CYP7A1: variants seen among roughly 807,000 people sequenced by gnomAD.
The protein encoded by CYP7A1 is cytochrome P450 7A1.
Under a neutral mutation model 43.8 loss-of-function variants are expected in CYP7A1, and 28 were observed. The ratio of observed to expected loss-of-function variants is 0.64; its 90% CI spans 0.47 to 0.88. The LOEUF (loss-of-function observed/expected upper bound fraction) is 0.88, where lower values mean the gene tolerates loss of function less well. Ranked by LOEUF, CYP7A1 falls within the 40% of genes least tolerant of loss-of-function variation. The pLI is 0.00. For missense variants in CYP7A1, 637 were observed against 611.9 expected (o/e 1.04, Z -0.43); for synonymous variants, 227 against 222.5 (o/e 1.02, Z -0.18).
In CYP7A1 at chr8:58,491,545, G is replaced by C; in HGVS notation, c.1445C>G (p.Ser482Cys). The C allele has an allele frequency of 6.2e-7, 1 of 1,614,094 alleles. No homozygotes were observed. Among genetic ancestry groups the C allele is most frequent in the Non-Finnish European group, 8.5e-7 (1 of 1,180,002 alleles). ...GQAKCPPLDQ[S>C]RAGLGILPPL... ...CGGCAAAATGCCCAAGCCTGCCCGG[G>C]ACTGGTCCAAAGGTGGACATTTAGC... Residue 482 changes from serine to cysteine, a missense_variant, in exon 6 of 6, where the codon TCC (serine) becomes TGC (cysteine). By Grantham distance (112) the Ser-to-Cys change is moderately radical. Transcript: ENST00000301645.
chr8:58,495,940 T>C (rs1394680686), intron 3 of CYP7A1, among the ~76,000 whole-genome samples: 1 of 152,272 alleles, frequency 6.6e-6, no homozygotes, highest in African/African-American at 2.4e-5. Context: ...AATAGACCAT[T>C]CTAATTTCAA....
intron 1 of CYP7A1, 129 bp downstream of exon 1, chr8:58,499,890 C>A (rs1809504413): frequency 1.5e-6 from 1 of 674,776 alleles, no homozygotes; most frequent in Non-Finnish European, 2.6e-6. Context: ...TCAAATTTTT[C>A]ATTTAAAAAA....
At chr8:58,494,900 C>A (rs1036597687) in intron 3 of CYP7A1, among the ~76,000 whole-genome samples, 7 of 152,074 alleles carry the variant, frequency 4.6e-5, no homozygotes, top group African/African-American at 1.7e-4. Flanking sequence ...CTTTGGGAGG[C>A]CGAGGCGGGC....
In CYP7A1 at chr8:58,500,127, G is replaced by A. The variant is rs1004963084; in HGVS notation, c.-29C>T. 1.3e-6 allele frequency: 2 copies of A among 1,567,560 alleles called. No individual in the cohort carries two copies. The highest frequency in any genetic ancestry group is 4.5e-5 in the East Asian group (2 of 44,514). ...GCAAATCTAGGCCAAAATCTCTGAG[G>A]AAGAAAATCTCTGATTAGAAAGGGA... On this transcript the variant is annotated 5_prime_UTR_variant, in exon 1 of 6. Coordinates refer to ENST00000301645, the MANE Select transcript of CYP7A1 (RefSeq NM_000780.4).
Position 58,498,485 on chromosome 8 carries a change from G to T in CYP7A1, c.81-16C>A. 6.2e-7 allele frequency: 1 copy of T among 1,613,766 alleles called. No individual in the cohort carries two copies. Among genetic ancestry groups the T allele is most frequent in the South Asian group, 1.1e-5 (1 of 91,074 alleles). On this transcript the variant is annotated splice_polypyrimidine_tract_variant and intron_variant, in intron 1 of 5. Coordinates refer to ENST00000301645, the MANE Select transcript of CYP7A1 (RefSeq NM_000780.4). ...ACCCGTTTGCCTGTCAGACACAAGT[G>T]TATGATAGACATGGATGATTACAGT...
intron 4 of CYP7A1, 110 bp from the exon 5 acceptor site, chr8:58,492,638 G>T: frequency 1.1e-6 from 1 of 874,336 alleles, no homozygotes; most frequent in Non-Finnish European, 1.8e-6. Context: ...CTGAACTACA[G>T]ACAGCCTGGC....
In CYP7A1 at chr8:58,500,119, T is replaced by C. The variant is rs1809508006; in HGVS notation, c.-21A>G. The C allele has an allele frequency of 6.3e-7, 1 of 1,596,130 alleles. No individual in the cohort carries two copies. Among genetic ancestry groups the C allele is most frequent in the East Asian group, 2.2e-5 (1 of 44,654 alleles). ...ATCATTTTGCAAATCTAGGCCAAAA[T>C]CTCTGAGGAAGAAAATCTCTGATTA... On this transcript the variant is annotated 5_prime_UTR_variant, in exon 1 of 6. Transcript: ENST00000301645.
chr8:58,499,884 AT>A (rs1187891785), intron 1 of CYP7A1, 134 bp downstream of exon 1: 1 of 656,878 alleles, frequency 1.5e-6, no homozygotes, highest in Non-Finnish European at 2.7e-6. Flanking sequence ...TTCAAATCAA[AT>A]TTTTCATTTA....
chr8:58,498,604 G>T, intron 1 of CYP7A1, 135 bp from the exon 2 acceptor site: 1 of 889,550 alleles, frequency 1.1e-6, no homozygotes, highest in Non-Finnish European at 1.8e-6. Context: ...TTGTTGGATG[G>T]GCCCTGCTCT....
At chr8:58,496,553 T>C (rs779616560) in intron 3 of CYP7A1, 51 bp downstream of exon 3, 10 of 1,475,598 alleles carry the variant, frequency 6.8e-6, no homozygotes, top group Non-Finnish European at 9.4e-6. Context: ...AGTGGTTTAA[T>C]TTCTACTTTC....
chr8:58,497,541 G>A (rs1473445769), intron 2 of CYP7A1, among the ~76,000 whole-genome samples: 1 of 151,422 alleles, frequency 6.6e-6, no homozygotes, highest in African/African-American at 2.4e-5. Flanking sequence ...TTTAGAGATG[G>A]GGTCTCACAT....
intron 5 of CYP7A1, 98 bp downstream of exon 5, chr8:58,492,252 GACT>G: frequency 9.3e-7 from 1 of 1,077,752 alleles, no homozygotes; most frequent in African/African-American, 1.6e-5. Flanking sequence ...CAATTCCTGT[GACT>G]ACAATGATAA....
chr8:58,499,008 CAT>C (rs1280319078), intron 1 of CYP7A1, among the ~76,000 whole-genome samples: 4 of 152,148 alleles, frequency 2.6e-5, no homozygotes, highest in Non-Finnish European at 4.4e-5. Flanking sequence ...AGAAGAATCT[CAT>C]GTGAGAAATC....
Position 58,491,790 on chromosome 8 carries a change from A to G in CYP7A1, c.1216-16T>C, listed in dbSNP as rs766785248. 2.5e-6 allele frequency: 4 copies of G among 1,607,268 alleles called. No individual in the cohort carries two copies. The highest frequency in any genetic ancestry group is 1.1e-5 in the South Asian group (1 of 90,682). ...ATTTAAAAGTCTGCAATAAAAATACAAAGAAAACCGCCTTTAAGCTAGTTT... is the reference window on the plus strand; with the variant it reads ...ATTTAAAAGTCTGCAATAAAAATACGAAGAAAACCGCCTTTAAGCTAGTTT... On this transcript the variant is annotated splice_polypyrimidine_tract_variant and intron_variant, in intron 5 of 5. Transcript: ENST00000301645.
chr8:58,492,492 G>A lies in CYP7A1; in HGVS notation c.1076C>T (p.Ala359Val). 6.2e-7 allele frequency: 1 copy of A among 1,613,910 alleles called. No homozygotes were observed. The highest frequency in any genetic ancestry group is 8.5e-7 in the Non-Finnish European group (1 of 1,179,860). Residue 359 changes from alanine to valine, a missense_variant, in exon 5 of 6, where the codon GCC becomes GTC. Physicochemically the swap from Ala to Val is moderately conservative, Grantham distance 64. Transcript: ENST00000301645. ...CTTAGCTGTCCGGATGTTGAGGGAGGCACTGGAAAGCCTCAGCGATTCCTT... is the reference window on the plus strand; with the variant it reads ...CTTAGCTGTCCGGATGTTGAGGGAGACACTGGAAAGCCTCAGCGATTCCTT... ...IIKESLRLSS[A>V]SLNIRTAKED...
rs114197205 is a variant in CYP7A1, at chr8:58,499,472, C to T, written c.80+547G>A. Among the ~76,000 whole-genome samples the T allele has an allele frequency of 3.8e-3, 583 of 152,328 alleles. 4 individuals carry two copies. The highest frequency in any genetic ancestry group is 0.013 in the African/African-American group (550 of 41,584). On this transcript the variant is annotated intron_variant, in intron 1 of 5. Transcript: ENST00000301645. ...TGAAATCGATGTCACATACACTCAGCAAACTTTCCCAATTCACCACAGTTG... is the reference window on the plus strand; with the variant it reads ...TGAAATCGATGTCACATACACTCAGTAAACTTTCCCAATTCACCACAGTTG...
At chr8:58,498,591 C>A in intron 1 of CYP7A1, 122 bp from the exon 2 acceptor site, 1 of 1,031,286 alleles carries the variant, frequency 9.7e-7, no homozygotes, top group Non-Finnish European at 1.5e-6. Context: ...ATAGATATTT[C>A]TTTTGTTGGA....
chr8:58,500,042 C>T lies in CYP7A1; in HGVS notation c.57G>A (p.Trp19Ter). ...ACCTTCTCCTAATTCCAAGAATAAG[C>T]CATAGACAACAGCATGCTGCTATAG... is the stretch of plus-strand genomic sequence containing the variant. ...GIAIAACCCL[W>*]LILGIRRRQT... The change falls in exon 1 of 6, where the codon TGG (tryptophan) becomes TGA (stop). Residue 19 changes from tryptophan (W) to a stop codon, truncating the protein, a stop_gained. Transcript: ENST00000301645. LOFTEE classifies it high-confidence loss of function. The T allele has an allele frequency of 6.2e-7, 1 of 1,612,632 alleles. No homozygotes were observed. Among genetic ancestry groups the T allele is most frequent in the Non-Finnish European group, 8.5e-7 (1 of 1,178,920 alleles).
intron 3 of CYP7A1, among the ~76,000 whole-genome samples, chr8:58,495,827 C>A (rs1390463466): frequency 1.3e-5 from 2 of 152,102 alleles, no homozygotes; most frequent in Non-Finnish European, 2.9e-5. Flanking sequence ...TTTATAAGAC[C>A]TAAAGTCATC....
Sources: gnomAD v4.1 joint callset for allele counts (sites outside exome capture counted in the v4.1 genomes callset) on GRCh38, gnomAD v4.1.1 for gene constraint, MANE v1.5 for transcripts, NCBI Gene and HGNC (gene_info 2026-07-23, HGNC 2026-07-21) for gene names.